RBBP9: variants seen among roughly 807,000 people sequenced by gnomAD.
The protein encoded by RBBP9 is serine hydrolase RBBP9.
RBBP9 carries 20 observed loss-of-function variants against 24.2 expected under a neutral mutation model. The ratio of observed to expected loss-of-function variants is 0.83; its 90% CI spans 0.58 to 1.20. The LOEUF is 1.20. Ranked by LOEUF, RBBP9 falls within the 50% of genes most tolerant of loss-of-function variation. The pLI is 0.00. For synonymous variants in RBBP9, 74 were observed against 84.6 expected (o/e 0.87, Z 0.69); for missense variants, 234 against 233.6 (o/e 1.00, Z -0.01).
chr20:18,492,459 C>A (rs901954507), intron 3 of RBBP9, among the ~76,000 whole-genome samples: 5 of 152,266 alleles, frequency 3.3e-5, no homozygotes, highest in African/African-American at 1.2e-4. Flanking sequence ...TGTCTGTTTC[C>A]TCCTAACTAG....
intron 3 of RBBP9, among the ~76,000 whole-genome samples, chr20:18,493,270 G>T (rs750659982): frequency 6.6e-6 from 1 of 152,166 alleles, no homozygotes; most frequent in Non-Finnish European, 1.5e-5. Context: ...GGGATTCGCA[G>T]GTGAGTAACA....
At chr20:18,497,048 G>A in intron 1 of RBBP9, 21 bp downstream of exon 1, 2 of 1,604,210 alleles carry the variant, frequency 1.2e-6, no homozygotes, top group Non-Finnish European at 1.7e-6. Context: ...ACTTCACGGA[G>A]CAGCGGCGTT....
chr20:18,488,271 A>C lies in RBBP9; in HGVS notation c.*1493T>G, dbSNP rs747095301. On this transcript the variant is annotated 3_prime_UTR_variant, in exon 5 of 5. Transcript: ENST00000337227. Reference sequence around the variant, plus strand: ...GGGTGGGTTTTTTTAATTAAAAAAAAATTTTTTTTTTTAAGAGACAGGTTC... The same window carrying C: ...GGGTGGGTTTTTTTAATTAAAAAAACATTTTTTTTTTTAAGAGACAGGTTC... The C allele has an allele frequency of 1.3e-5, 2 of 151,918 alleles. No individual in the cohort carries two copies. The highest frequency in any genetic ancestry group is 2.4e-5 in the African/African-American group (1 of 41,330). The allele number at this position is 151,918 out of a possible 1,614,324, so 9.4% of individuals were successfully genotyped here.
chr20:18,492,429 C>T (rs2059869694), intron 3 of RBBP9, among the ~76,000 whole-genome samples: 1 of 151,918 alleles, frequency 6.6e-6, no homozygotes, highest in South Asian at 2.1e-4. Context: ...TTGTCTTGTA[C>T]ATTATCCTCT....
chr20:18,492,096 C>CAAAA lies in RBBP9; in HGVS notation c.249-1620_249-1617dup, dbSNP rs71194242. Reference sequence around the variant, plus strand: ...CGGGCAACAGAGGGAGGCTCTGTCTCAAAAAAAAAAAAAAAAAAAAAAAGA... The same window carrying CAAAA: ...CGGGCAACAGAGGGAGGCTCTGTCTCAAAAAAAAAAAAAAAAAAAAAAAAAAAGA... On this transcript the variant is annotated intron_variant, in intron 3 of 4. Coordinates refer to ENST00000337227, the MANE Select transcript of RBBP9 (RefSeq NM_006606.3). 7.8e-3 allele frequency among the ~76,000 whole-genome samples: 544 copies of CAAAA among 69,900 alleles called. 15 individuals are homozygous for CAAAA. The highest frequency in any genetic ancestry group is 0.011 in the Non-Finnish European group (405 of 37,900). 45.9% of individuals were successfully genotyped at this position (69,900 alleles called of 152,430 possible).
In RBBP9 at chr20:18,486,592, G is replaced by A. The variant is rs2059845372; in HGVS notation, c.*3172C>T. On this transcript the variant is annotated 3_prime_UTR_variant, in exon 5 of 5. Coordinates refer to ENST00000337227, the MANE Select transcript of RBBP9 (RefSeq NM_006606.3). ...TGAAAATTAACTGAAGGAGACAAGA[G>A]ACAATTTAAAATTACAGCACCTCTG... The A allele has an allele frequency of 6.6e-6, 1 of 152,048 alleles. No individual in the cohort carries two copies. Among genetic ancestry groups the A allele is most frequent in the South Asian group, 2.1e-4 (1 of 4,824 alleles). 9.4% of individuals were successfully genotyped at this position (152,048 alleles called of 1,614,324 possible). A position where few individuals can be genotyped will look rare whatever the true frequency, so the allele number is the denominator to read the frequency against.
In RBBP9 at chr20:18,489,979, G is replaced by A. The variant is rs145407527; in HGVS notation, c.346C>T (p.Arg116Cys). The change falls in exon 5 of 5, where the codon CGC becomes TGC. Residue 116 changes from arginine (R) to cysteine (C), a missense_variant. Transcript: ENST00000337227. ...TTGATCTTCTCCCACTGCCAGGGGC[G>A]GGTGAAGTATCCTATGGGGAAAAAA... The part of the protein sequence containing the change: ...ENERASGYFT[R>C]PWQWEKIKAN... 204 of 1,602,380 alleles carry A rather than the reference G, an allele frequency of 1.3e-4. 1 individual carries two copies. In the African/African-American group the frequency reaches 1.6e-3, roughly 12 times the overall value.
chr20:18,489,103 C>T lies in RBBP9; in HGVS notation c.*661G>A, dbSNP rs1245709491. ...GGCAACAATTTAGACAGGCCATGAGCTCTCCACATGGCTCTGATCCCACCA... is the reference window on the plus strand; with the variant it reads ...GGCAACAATTTAGACAGGCCATGAGTTCTCCACATGGCTCTGATCCCACCA... On this transcript the variant is annotated 3_prime_UTR_variant, in exon 5 of 5. Coordinates refer to ENST00000337227, the MANE Select transcript of RBBP9 (RefSeq NM_006606.3). 6.6e-6 allele frequency: 1 copy of T among 152,226 alleles called. No homozygotes were observed. The highest frequency in any genetic ancestry group is 1.9e-4 in the East Asian group (1 of 5,180). 9.4% of individuals were successfully genotyped at this position (152,226 alleles called of 1,614,324 possible).
chr20:18,495,885 GAT>G lies in RBBP9; in HGVS notation c.100-7_100-6del, dbSNP rs762782451. 27 of 1,539,458 alleles carry G rather than the reference GAT, an allele frequency of 1.8e-5. No homozygotes were observed. Among genetic ancestry groups the G allele is most frequent in the Non-Finnish European group, 2.4e-5 (27 of 1,127,136 alleles). ...CAAACACTGGAAACCAGGTATCTAT[GAT>G]ATGAGGGGGGAGAAAAAGCTATAAT... On this transcript the variant is annotated splice_region_variant and splice_polypyrimidine_tract_variant and intron_variant, in intron 1 of 4. Coordinates refer to ENST00000337227, the MANE Select transcript of RBBP9 (RefSeq NM_006606.3).
At chr20:18,497,016 C>G in intron 1 of RBBP9, 53 bp downstream of exon 1, 2 of 1,489,050 alleles carry the variant, frequency 1.3e-6, no homozygotes, top group South Asian at 2.3e-5. Context: ...AGTCCTCTCC[C>G]GCCGTCCCTC....
chr20:18,495,894 G>A lies in RBBP9; in HGVS notation c.100-14C>T. On this transcript the variant is annotated splice_polypyrimidine_tract_variant and intron_variant, in intron 1 of 4. Coordinates refer to ENST00000337227, the MANE Select transcript of RBBP9 (RefSeq NM_006606.3). Reference sequence around the variant, plus strand: ...GAAACCAGGTATCTATGATATGAGGGGGGAGAAAAAGCTATAATAAAGAGC... The same window carrying A: ...GAAACCAGGTATCTATGATATGAGGAGGGAGAAAAAGCTATAATAAAGAGC... 6.6e-7 allele frequency: 1 copy of A among 1,522,648 alleles called. No individual in the cohort carries two copies. The highest frequency in any genetic ancestry group is 9.0e-7 in the Non-Finnish European group (1 of 1,116,856). 94.3% of individuals were successfully genotyped at this position (1,522,648 alleles called of 1,614,324 possible). A position where few individuals can be genotyped will look rare whatever the true frequency, so the allele number is the denominator to read the frequency against.
intron 2 of RBBP9, among the ~76,000 whole-genome samples, chr20:18,495,189 G>C (rs6111994): frequency 0.68 from 96,278 of 142,006 alleles, 33,707 homozygotes; most frequent in Non-Finnish European, 0.79. Context: ...GATGGTTGCC[G>C]TGTCTGTGTA....
In RBBP9 at chr20:18,489,992, T is replaced by C; in HGVS notation, c.335-2A>G. 2 of 1,581,814 alleles carry C rather than the reference T, an allele frequency of 1.3e-6. No homozygotes were observed. Among genetic ancestry groups the C allele is most frequent in the Admixed American group, 1.7e-5 (1 of 57,654 alleles). On this transcript the variant is annotated splice_acceptor_variant, in intron 4 of 4. Transcript: ENST00000337227. LOFTEE classifies it high-confidence loss of function. ...ACTGCCAGGGGCGGGTGAAGTATCC[T>C]ATGGGGAAAAAAAAATGATCTTTCA...
chr20:18,495,777 A>G, intron 2 of RBBP9, 61 bp downstream of exon 2: 2 of 1,476,820 alleles, frequency 1.4e-6, no homozygotes, highest in Non-Finnish European at 1.9e-6. Flanking sequence ...TCTCTACCAC[A>G]AAAATGGTAA....
rs2059854697 is a variant in RBBP9 at position 18,489,078 on chromosome 20, G to A, written c.*686C>T. On this transcript the variant is annotated 3_prime_UTR_variant, in exon 5 of 5. Coordinates refer to ENST00000337227, the MANE Select transcript of RBBP9 (RefSeq NM_006606.3). ...GCAACACTCTGCCCCATTTCCACAT[G>A]GCAACAATTTAGACAGGCCATGAGC... 1 of 151,932 alleles carries A rather than the reference G, an allele frequency of 6.6e-6. No individual in the cohort carries two copies. The highest frequency in any genetic ancestry group is 2.4e-5 in the African/African-American group (1 of 41,340). 9.4% of individuals were successfully genotyped at this position (151,932 alleles called of 1,614,324 possible). A position where few individuals can be genotyped will look rare whatever the true frequency, so the allele number is the denominator to read the frequency against.
At chr20:18,490,349 C>A in intron 4 of RBBP9, 46 bp downstream of exon 4, 1 of 1,450,520 alleles carries the variant, frequency 6.9e-7, no homozygotes, top group South Asian at 1.1e-5. Flanking sequence ...CAGACAGCCC[C>A]ATGTCTAGAG....
Position 18,489,770 on chromosome 20 carries a change from TG to T in RBBP9, c.554del (p.Pro185GlnfsTer24), listed in dbSNP as rs2059857440. 6.2e-7 allele frequency: 1 copy of T among 1,604,870 alleles called. No homozygotes were observed. Among genetic ancestry groups the T allele is most frequent in the Non-Finnish European group, 8.5e-7 (1 of 1,171,848 alleles). On this transcript the variant is annotated frameshift_variant, in exon 5 of 5. Coordinates refer to ENST00000337227, the MANE Select transcript of RBBP9 (RefSeq NM_006606.3). LOFTEE classifies it high-confidence loss of function. ...ITVVKSLLKV[P>X]A ...ATAGCAGAAATCATACAGTCTATGC[TG>T]GTACTTTCAGCAAAGACTTTACAAC... is the stretch of plus-strand genomic sequence containing the variant.
chr20:18,489,788 CT>C lies in RBBP9; in HGVS notation c.536del (p.Lys179SerfsTer4). 1 of 1,612,556 alleles carries C rather than the reference CT, an allele frequency of 6.2e-7. No homozygotes were observed. Among genetic ancestry groups the C allele is most frequent in the South Asian group, 1.1e-5 (1 of 91,058 alleles). ...TEFHELITVVKSLLKVPA is the reference protein window; with the variant it reads ...TEFHELITVVXSLLKVPA ...TCTATGCTGGTACTTTCAGCAAAGA[CT>C]TTACAACAGTAATCAGTTCATGAAA... On this transcript the variant is annotated frameshift_variant, in exon 5 of 5. Coordinates refer to ENST00000337227, the MANE Select transcript of RBBP9 (RefSeq NM_006606.3). LOFTEE classifies it high-confidence loss of function.
rs1229008698 is a variant in RBBP9, at chr20:18,489,907, A to G, written c.418T>C (p.Phe140Leu). 10 of 1,613,960 alleles carry G rather than the reference A, an allele frequency of 6.2e-6. No individual in the cohort carries two copies. The highest frequency in any genetic ancestry group is 8.5e-6 in the Non-Finnish European group (10 of 1,179,942). Residue 140 changes from phenylalanine (F) to leucine (L), a missense_variant, in exon 5 of 5, where the codon TTC (phenylalanine) becomes CTC (leucine). Coordinates refer to ENST00000337227, the MANE Select transcript of RBBP9 (RefSeq NM_006606.3). ...IVQFGSTDDP[F>L]LPWKEQQEVA... ...TCTTGTTGTTCCTTCCAGGGAAGGAACGGGTCGTCAGTAGAGCCAAACTGC... is the reference window on the plus strand; with the variant it reads ...TCTTGTTGTTCCTTCCAGGGAAGGAGCGGGTCGTCAGTAGAGCCAAACTGC...
Sources: gnomAD v4.1 joint callset for allele counts (sites outside exome capture counted in the v4.1 genomes callset) on GRCh38, gnomAD v4.1.1 for gene constraint, MANE v1.5 for transcripts, NCBI Gene and HGNC (gene_info 2026-07-23, HGNC 2026-07-21) for gene names.